The following PLAT variants were observed in gnomAD, a reference collection of about 807,000 sequenced individuals.
The protein encoded by PLAT is plasminogen activator, tissue type.
Under a neutral mutation model 74.9 loss-of-function variants are expected in PLAT, and 48 were observed. The ratio of observed to expected loss-of-function variants is 0.64; its 90% confidence interval spans 0.51 to 0.82. PLAT has a LOEUF of 0.82. Among genes scored for constraint, PLAT ranks in the 40% least tolerant of loss-of-function variants. PLAT has a pLI of 0.00. For missense variants in PLAT, 673 were observed against 736.2 expected, an observed-to-expected ratio of 0.91 and a Z score of 0.99; for synonymous variants, 307 against 294.4, an observed-to-expected ratio of 1.04 and a Z score of -0.44.
chr8:42,179,879 C>A, intron 12 of PLAT, 47 bp downstream of exon 12: 1 of 1,502,610 alleles, frequency 6.7e-7, no homozygotes, highest in Non-Finnish European at 8.9e-7. Flanking sequence ...CGCAGCCTCC[C>A]CTGCTGTCCC....
intron 1 of PLAT, among the ~76,000 whole-genome samples, chr8:42,204,897 A>G (rs894457965): frequency 2.0e-5 from 3 of 152,058 alleles, no homozygotes; most frequent in African/African-American, 7.2e-5. Context: ...TTCAAGTGAC[A>G]CTACCAAGGT....
chr8:42,188,237 C>A, intron 4 of PLAT: 1 of 467,000 alleles, frequency 2.1e-6, no homozygotes, highest in Non-Finnish European at 3.8e-6. Context: ...AAGTGTTGTT[C>A]AAGGGTCCCC....
intron 13 of PLAT, among the ~76,000 whole-genome samples, chr8:42,176,915 T>C (rs992632317): frequency 6.6e-6 from 1 of 152,236 alleles, no homozygotes; most frequent in African/African-American, 2.4e-5. Context: ...TTTAGAAGTT[T>C]GCTGATGTTT....
chr8:42,178,107 T>C (rs1398383412), intron 13 of PLAT, among the ~76,000 whole-genome samples: 3 of 152,172 alleles, frequency 2.0e-5, no homozygotes, highest in Admixed American at 2.0e-4. Flanking sequence ...GGACCTCAAA[T>C]AGTGTGCTTT....
At chr8:42,201,847 G>A (rs529527633) in intron 1 of PLAT, among the ~76,000 whole-genome samples, 1 of 152,328 alleles carries the variant, frequency 6.6e-6, no homozygotes, top group East Asian at 1.9e-4. Context: ...TCATGTGAGA[G>A]AAATAAGGAA....
At chr8:42,202,621 C>A (rs556369069) in intron 1 of PLAT, among the ~76,000 whole-genome samples, 5,338 of 152,260 alleles carry the variant, frequency 0.035, 331 homozygotes, top group African/African-American at 0.12. Flanking sequence ...CAGCCGTGCC[C>A]TGGCACAGGC....
chr8:42,176,451 T>C (rs1001064889), intron 13 of PLAT, among the ~76,000 whole-genome samples: 2 of 152,248 alleles, frequency 1.3e-5, no homozygotes, highest in Non-Finnish European at 2.9e-5. Context: ...TGGGTGTTAG[T>C]GGCTCTGCAA....
Position 42,178,954 on chromosome 8 carries a change from C to T in PLAT, c.1473G>A (p.Leu491=), listed in dbSNP as rs1216085613. 6.2e-7 allele frequency: 1 copy of T among 1,614,158 alleles called. No homozygotes were observed. Among genetic ancestry groups the T allele is most frequent in the South Asian group, 1.1e-5 (1 of 91,078 alleles). Residue 491 remains leucine (L), a synonymous_variant, in exon 13 of 14, where the codon CTG becomes CTA. Coordinates refer to ENST00000220809, the MANE Select transcript of PLAT (RefSeq NM_000930.5). ...LLNRTVTDNM[L]CAGDTRSGGP... ...CGCCGCTCCGAGTGTCTCCAGCACA[C>T]AGCATGTTGTCGGTGACTGTTCTGT...
At chr8:42,186,923 AATCATCT>A (rs1398790105) in intron 6 of PLAT, 2 of 152,018 alleles carry the variant, frequency 1.3e-5, no homozygotes, top group African/African-American at 4.9e-5. Flanking sequence ...ATCATCTATC[AATCATCT>A]ATCATCTGTC....
At chr8:42,195,446 G>C (rs1805871001) in intron 1 of PLAT, among the ~76,000 whole-genome samples, 1 of 152,172 alleles carries the variant, frequency 6.6e-6, no homozygotes, top group Admixed American at 6.5e-5. Context: ...CATCAGGAGG[G>C]AACAGAAGTG....
intron 3 of PLAT, among the ~76,000 whole-genome samples, chr8:42,190,131 A>C (rs1254075003): frequency 6.6e-6 from 1 of 151,918 alleles, no homozygotes; most frequent in African/African-American, 2.4e-5. Context: ...GAGGTGTCTC[A>C]CTATGTTGCC....
In PLAT at chr8:42,180,663, G is replaced by A; in HGVS notation, c.912C>T (p.Tyr304=). ...PSCSTCGLRQ[Y]SQPQFRIKGG... ...CTTTGATGCGAAACTGAGGCTGGCTGTACTGTCTCAGGCCGCAGGTGGCTG... is the reference window on the plus strand; with the variant it reads ...CTTTGATGCGAAACTGAGGCTGGCTATACTGTCTCAGGCCGCAGGTGGCTG... Residue 304 remains tyrosine, a synonymous_variant, in exon 10 of 14, where the codon TAC becomes TAT. Coordinates refer to ENST00000220809, the MANE Select transcript of PLAT (RefSeq NM_000930.5). 1 of 1,591,232 alleles carries A rather than the reference G, an allele frequency of 6.3e-7. No homozygotes were observed. Among genetic ancestry groups the A allele is most frequent in the Non-Finnish European group, 8.6e-7 (1 of 1,167,302 alleles).
intron 1 of PLAT, among the ~76,000 whole-genome samples, chr8:42,201,299 A>G (rs1158785244): frequency 3.3e-5 from 5 of 152,170 alleles, no homozygotes; most frequent in Admixed American, 3.3e-4. Flanking sequence ...TGGGCTAATC[A>G]TTTCCGTCTT....
At chr8:42,199,853 A>G (rs1806059924) in intron 1 of PLAT, among the ~76,000 whole-genome samples, 1 of 152,250 alleles carries the variant, frequency 6.6e-6, no homozygotes, top group Non-Finnish European at 1.5e-5. Context: ...AAGTGAATCG[A>G]AATGAATGTC....
chr8:42,192,002 CTTTTTTT>C (rs1177070988), intron 2 of PLAT, among the ~76,000 whole-genome samples: 14 of 127,174 alleles, frequency 1.1e-4, no homozygotes, highest in African/African-American at 2.9e-4. Flanking sequence ...TTGCCTTTTT[CTTTTTTT>C]TTTTTTTTTT....
At chr8:42,195,489 G>A (rs929732841) in intron 1 of PLAT, among the ~76,000 whole-genome samples, 2 of 152,172 alleles carry the variant, frequency 1.3e-5, no homozygotes, top group African/African-American at 4.8e-5. Context: ...CAGTGCCCAA[G>A]GTCTCCCTGG....
chr8:42,205,675 C>T (rs1026253563), intron 1 of PLAT, among the ~76,000 whole-genome samples: 7 of 152,164 alleles, frequency 4.6e-5, no homozygotes, highest in African/African-American at 1.7e-4. Flanking sequence ...CCTGGAAGCC[C>T]CTACTTCGAG....
chr8:42,203,399 G>A (rs1015613927), intron 1 of PLAT, among the ~76,000 whole-genome samples: 3 of 152,208 alleles, frequency 2.0e-5, no homozygotes, highest in Non-Finnish European at 2.9e-5. Context: ...GGCAGCTGCT[G>A]CAGACACCCA....
chr8:42,178,264 C>CT (rs5891180), intron 13 of PLAT, among the ~76,000 whole-genome samples: 2,129 of 109,912 alleles, frequency 0.019, 21 homozygotes, highest in East Asian at 0.023. Context: ...ACATTTCTTT[C>CT]TTTTTTTTTT....
Sources: allele counts gnomAD v4.1 joint callset (sites outside exome capture counted in the v4.1 genomes callset), GRCh38; gene constraint gnomAD v4.1.1; transcripts MANE v1.5; gene names NCBI Gene and HGNC (gene_info 2026-07-23, HGNC 2026-07-21).